Variants in TMPRSS4 observed in about 807,000 individuals in gnomAD.
TMPRSS4 encodes transmembrane serine protease 4.
In TMPRSS4, 45 loss-of-function variants were observed where a neutral mutation model predicts 56.4. The observed-to-expected ratio is 0.80, with a 90% CI of 0.63 to 1.02. The LOEUF (loss-of-function observed/expected upper bound fraction) is 1.02, where lower values mean the gene tolerates loss of function less well. Among genes scored for constraint, TMPRSS4 ranks in the 50% least tolerant of loss-of-function variants. The pLI is 0.00. For missense variants in TMPRSS4, 546 were observed against 556.7 expected (o/e 0.98, Z 0.19); for synonymous variants, 205 against 211.0 (o/e 0.97, Z 0.25).
chr11:118,100,445 T>G (rs777105722), intron 3 of TMPRSS4, among the ~76,000 whole-genome samples: 4 of 152,198 alleles, frequency 2.6e-5, no homozygotes, highest in Admixed American at 6.5e-5. Flanking sequence ...TCATTCTACA[T>G]GAGCACTGAG....
chr11:118,108,493 T>C (rs1565435050), intron 6 of TMPRSS4: 1 of 245,342 alleles, frequency 4.1e-6, no homozygotes, highest in East Asian at 8.8e-5. Context: ...GAATGATCCT[T>C]TACCTAAAAT....
chr11:118,111,461 G>A (rs1947273422), intron 7 of TMPRSS4, among the ~76,000 whole-genome samples: 2 of 151,898 alleles, frequency 1.3e-5, no homozygotes, highest in South Asian at 2.1e-4. Context: ...CCAGCACAAC[G>A]GACACACCCA....
intron 8 of TMPRSS4, 108 bp downstream of exon 8, chr11:118,112,008 A>C: frequency 6.8e-7 from 1 of 1,462,454 alleles, no homozygotes; most frequent in Non-Finnish European, 9.1e-7. Flanking sequence ...CTCCCACTAG[A>C]GACGTTTTCC....
chr11:118,104,295 T>C (rs1232157298), intron 4 of TMPRSS4, among the ~76,000 whole-genome samples: 1 of 152,108 alleles, frequency 6.6e-6, no homozygotes, highest in Non-Finnish European at 1.5e-5. Flanking sequence ...CTCAGACATT[T>C]CCCCAGGCTG....
In TMPRSS4 at chr11:118,077,092, C is replaced by CAG; in HGVS notation, c.-204_-203dup. On this transcript the variant is annotated 5_prime_UTR_variant, in exon 1 of 13. Coordinates refer to ENST00000437212, the MANE Select transcript of TMPRSS4 (RefSeq NM_019894.4). ...GTCCCCCAATCACTCCTGGAATACA[C>CAG]AGAGAGAGGCAGCAGCTTGCTCAGC... The CAG allele has an allele frequency of 1.8e-6, 1 of 549,288 alleles. No individual in the cohort carries two copies. Among genetic ancestry groups the CAG allele is most frequent in the South Asian group, 2.4e-5 (1 of 41,700 alleles). 34.0% of individuals were successfully genotyped at this position (549,288 alleles called of 1,614,324 possible).
Position 118,108,910 on chromosome 11 carries a change from A to G in TMPRSS4, c.583+14A>G, listed in dbSNP as rs192438959. 2.8e-5 allele frequency: 45 copies of G among 1,613,206 alleles called. No individual in the cohort carries two copies. In the Admixed American group the frequency reaches 3.0e-4, roughly 11 times the overall value. On this transcript the variant is annotated intron_variant, in intron 7 of 12. Coordinates refer to ENST00000437212, the MANE Select transcript of TMPRSS4 (RefSeq NM_019894.4). ...TGCACTGTCTTGGTGAGTACCCCCA[A>G]TCTCTGAGGGTTTGGGGCCTGGGCC...
intron 1 of TMPRSS4, among the ~76,000 whole-genome samples, chr11:118,080,833 T>A (rs1945071181): frequency 6.6e-6 from 1 of 152,214 alleles, no homozygotes; most frequent in South Asian, 2.1e-4. Flanking sequence ...GCCTCAGACT[T>A]CCCAGGTGCC....
rs912329855 is a variant in TMPRSS4 at position 118,118,132 on chromosome 11, T to G, written c.*219T>G. 1 of 1,422,530 alleles carries G rather than the reference T, an allele frequency of 7.0e-7. No individual in the cohort carries two copies. The highest frequency in any genetic ancestry group is 9.1e-7 in the Non-Finnish European group (1 of 1,092,914). 88.1% of individuals were successfully genotyped at this position (1,422,530 alleles called of 1,614,324 possible). ...TCAGCAGCCCTAGCTCGGCCACACT[T>G]GGTGCTCCCAGCATCCCAGGGAGAG... is the stretch of plus-strand genomic sequence containing the variant. On this transcript the variant is annotated 3_prime_UTR_variant, in exon 13 of 13. Coordinates refer to ENST00000437212, the MANE Select transcript of TMPRSS4 (RefSeq NM_019894.4).
At position 118,118,173 on chromosome 11, in the gene TMPRSS4, C is replaced by A. The variant is rs1354240943; in HGVS notation, c.*260C>A. On this transcript the variant is annotated 3_prime_UTR_variant, in exon 13 of 13. Coordinates refer to ENST00000437212, the MANE Select transcript of TMPRSS4 (RefSeq NM_019894.4). Reference sequence around the variant, plus strand: ...CCAGGGAGAGACACAGCCCACTGAACAAGGTCTCAGGGGTATTGCTAAGCC... The same window carrying A: ...CCAGGGAGAGACACAGCCCACTGAAAAAGGTCTCAGGGGTATTGCTAAGCC... The A allele has an allele frequency of 2.1e-6, 3 of 1,408,580 alleles. No individual in the cohort carries two copies. In the African/African-American group the frequency reaches 4.4e-5, roughly 20 times the overall value. 87.3% of individuals were successfully genotyped at this position (1,408,580 alleles called of 1,614,324 possible). A position where few individuals can be genotyped will look rare whatever the true frequency, so the allele number is the denominator to read the frequency against.
In TMPRSS4 at chr11:118,118,177, G is replaced by T; in HGVS notation, c.*264G>T. On this transcript the variant is annotated 3_prime_UTR_variant, in exon 13 of 13. Coordinates refer to ENST00000437212, the MANE Select transcript of TMPRSS4 (RefSeq NM_019894.4). The stretch of plus-strand genomic sequence containing the variant: ...GGAGAGACACAGCCCACTGAACAAG[G>T]TCTCAGGGGTATTGCTAAGCCAAGA... 2.2e-6 allele frequency: 3 copies of T among 1,389,680 alleles called. No individual in the cohort carries two copies. Among genetic ancestry groups the T allele is most frequent in the South Asian group, 3.4e-5 (2 of 58,502 alleles). 86.1% of individuals were successfully genotyped at this position (1,389,680 alleles called of 1,614,324 possible).
Position 118,112,379 on chromosome 11 carries a change from CTTTTTTTT to C in TMPRSS4, c.743+503_743+510del, listed in dbSNP as rs71469160. Among the ~76,000 whole-genome samples the C allele has an allele frequency of 1.4e-3, 64 of 45,716 alleles. No homozygotes were observed. The South Asian group carries it at 0.061, about 43-fold the overall frequency. The allele number at this position is 45,716 out of a possible 152,430, so 30.0% of individuals were successfully genotyped here. A position where few individuals can be genotyped will look rare whatever the true frequency, so the allele number is the denominator to read the frequency against. ...AAGGGCTACTCCCAGACCCCCTTCA[CTTTTTTTT>C]TTTTTTTTTTTTTTTTTTTTTTTGA... On this transcript the variant is annotated intron_variant, in intron 8 of 12. Transcript: ENST00000437212.
rs1164964121 is a variant in TMPRSS4 at position 118,104,617 on chromosome 11, CTCA to C, written c.311-72_311-70del. 18 of 1,607,840 alleles carry C rather than the reference CTCA, an allele frequency of 1.1e-5. No homozygotes were observed. The African/African-American group carries it at 2.4e-4, about 22-fold the overall frequency. On this transcript the variant is annotated intron_variant, in intron 4 of 12. Coordinates refer to ENST00000437212, the MANE Select transcript of TMPRSS4 (RefSeq NM_019894.4). ...CTAGGTTGGGGGAGCTTGGGCTGGT[CTCA>C]TGATGAGTTCTGAGGGGGATGGGCC...
Position 118,099,078 on chromosome 11 carries a change from T to C in TMPRSS4, c.137T>C (p.Ile46Thr), listed in dbSNP as rs2135383101. The stretch of plus-strand genomic sequence containing the variant: ...ATAGCACTACTGAGCCTGGCGAGTA[T>C]CATCATTGTGGTTGTCCTCAGTAAG... ...IIIALLSLAS[I>T]IIVVVLIKVI... Residue 46 changes from isoleucine to threonine, a missense_variant, in exon 3 of 13, where the codon ATC becomes ACC. By Grantham distance (89) the Ile-to-Thr change is moderately conservative (BLOSUM62 -1). Transcript: ENST00000437212. The C allele has an allele frequency of 6.2e-7, 1 of 1,613,748 alleles. No homozygotes were observed. Among genetic ancestry groups the C allele is most frequent in the Non-Finnish European group, 8.5e-7 (1 of 1,179,878 alleles).
intron 1 of TMPRSS4, among the ~76,000 whole-genome samples, chr11:118,082,566 AAAAG>A (rs56317794): frequency 1.2e-4 from 18 of 150,166 alleles, no homozygotes; most frequent in Non-Finnish European, 2.5e-4. Context: ...GTCTCAAAAA[AAAAG>A]AAAGAAAGAA....
intron 7 of TMPRSS4, among the ~76,000 whole-genome samples, chr11:118,109,783 A>G (rs954135535): frequency 6.6e-6 from 1 of 152,214 alleles, no homozygotes; most frequent in Admixed American, 6.5e-5. Context: ...AGGAGTGTAT[A>G]TGCTTTCCTG....
At chr11:118,100,369 G>C (rs1022576716) in intron 3 of TMPRSS4, among the ~76,000 whole-genome samples, 2 of 152,226 alleles carry the variant, frequency 1.3e-5, no homozygotes, top group African/African-American at 4.8e-5. Context: ...ACTTGTAACT[G>C]TGGTGACATT....
chr11:118,080,667 T>C (rs761852283), intron 1 of TMPRSS4, among the ~76,000 whole-genome samples: 1 of 151,808 alleles, frequency 6.6e-6, no homozygotes. Flanking sequence ...ATGTAAGAAA[T>C]GAGGAGAGAC....
intron 4 of TMPRSS4, among the ~76,000 whole-genome samples, chr11:118,103,476 G>A (rs1946837401): frequency 1.3e-5 from 2 of 152,200 alleles, no homozygotes; most frequent in African/African-American, 4.8e-5. Context: ...CTGCCTCCCA[G>A]TTTCAAGTGA....
chr11:118,077,431 C>A (rs1385291148), intron 1 of TMPRSS4, 126 bp downstream of exon 1: 46 of 1,193,916 alleles, frequency 3.9e-5, no homozygotes, highest in Non-Finnish European at 5.0e-5. Flanking sequence ...AAAAAAGAGG[C>A]CACACCCAAA....
Sources: allele counts gnomAD v4.1 joint callset (sites outside exome capture counted in the v4.1 genomes callset), GRCh38; gene constraint gnomAD v4.1.1; transcripts MANE v1.5; gene names NCBI Gene and HGNC (gene_info 2026-07-23, HGNC 2026-07-21).